NALF1: variants seen among roughly 807,000 people sequenced by gnomAD.
NALF1 encodes NALCN channel auxiliary factor 1, also known as family with sequence similarity 155 member A.
Under a neutral mutation model 48.4 loss-of-function variants are expected in NALF1, and 3 were observed. The ratio of observed to expected loss-of-function variants is 0.06; its 90% CI spans 0.03 to 0.16. The LOEUF (loss-of-function observed/expected upper bound fraction) is 0.16. Among genes scored for constraint, NALF1 ranks in the 10% least tolerant of loss-of-function variants. NALF1 has a pLI of 1.00. For missense variants in NALF1, 526 were observed against 571.5 expected (o/e 0.92, Z 0.81); for synonymous variants, 262 against 245.7 (o/e 1.07, Z -0.62).
intron 1 of NALF1, among the ~76,000 whole-genome samples, chr13:107,864,416 CCAGTT>C (rs1311644906): frequency 6.6e-6 from 1 of 152,178 alleles, no homozygotes; most frequent in Non-Finnish European, 1.5e-5. Flanking sequence ...ATCCCTTAGT[CCAGTT>C]CTTTTATCAA....
At chr13:107,748,902 G>A (rs1876854511) in intron 1 of NALF1, among the ~76,000 whole-genome samples, 1 of 152,106 alleles carries the variant, frequency 6.6e-6, no homozygotes, top group Admixed American at 6.5e-5. Flanking sequence ...TGTGGGGAAT[G>A]GGCACCAGAT....
chr13:107,692,085 A>T (rs1881580712), intron 1 of NALF1, among the ~76,000 whole-genome samples: 1 of 152,214 alleles, frequency 6.6e-6, no homozygotes. Flanking sequence ...CACCACATCA[A>T]CCATAATTAC....
intron 1 of NALF1, among the ~76,000 whole-genome samples, chr13:107,565,481 T>TA (rs764688278): frequency 4.0e-5 from 6 of 151,544 alleles, no homozygotes; most frequent in East Asian, 1.9e-4. Flanking sequence ...AATGTTCTAA[T>TA]AAAAACAAAA....
chr13:107,767,735 G>A (rs1026143599), intron 1 of NALF1, among the ~76,000 whole-genome samples: 2 of 152,102 alleles, frequency 1.3e-5, no homozygotes, highest in Non-Finnish European at 2.9e-5. Context: ...ACTCTGGTTT[G>A]ACTTTATGGT....
At chr13:107,600,364 T>A (rs1594152387) in intron 1 of NALF1, among the ~76,000 whole-genome samples, 1 of 152,286 alleles carries the variant, frequency 6.6e-6, no homozygotes, top group Non-Finnish European at 1.5e-5. Context: ...TAGAATGACT[T>A]AAGATTTTCA....
intron 1 of NALF1, among the ~76,000 whole-genome samples, chr13:107,831,817 C>T (rs1317198066): frequency 1.3e-5 from 2 of 152,152 alleles, no homozygotes; most frequent in Non-Finnish European, 2.9e-5. Flanking sequence ...AGACAGAGAA[C>T]TTTCTAACAT....
chr13:107,581,141 G>C (rs776656520), intron 1 of NALF1, among the ~76,000 whole-genome samples: 2 of 152,076 alleles, frequency 1.3e-5, no homozygotes, highest in Non-Finnish European at 2.9e-5. Flanking sequence ...TTTGTTCCTC[G>C]GACGCATTTT....
At chr13:107,350,226 T>C (rs1476833786) in intron 1 of NALF1, among the ~76,000 whole-genome samples, 4 of 152,216 alleles carry the variant, frequency 2.6e-5, no homozygotes, top group South Asian at 4.1e-4. Context: ...AAAACAGTTC[T>C]GTGCAATCAA....
chr13:107,191,053 G>T (rs552213836), intron 2 of NALF1, among the ~76,000 whole-genome samples: 6 of 152,288 alleles, frequency 3.9e-5, no homozygotes, highest in Admixed American at 3.3e-4. Flanking sequence ...TAATGTCTCA[G>T]GTAGTATATT....
intron 1 of NALF1, among the ~76,000 whole-genome samples, chr13:107,750,547 G>T (rs1876909409): frequency 6.7e-6 from 1 of 149,008 alleles, no homozygotes; most frequent in East Asian, 2.0e-4. Context: ...AGAAAAAATA[G>T]AAAAATTATA....
intron 1 of NALF1, among the ~76,000 whole-genome samples, chr13:107,824,659 A>T (rs1437687308): frequency 6.6e-6 from 1 of 152,238 alleles, no homozygotes; most frequent in Non-Finnish European, 1.5e-5. Flanking sequence ...CAGCTCCATT[A>T]TGCATGTGTA....
chr13:107,207,226 G>A (rs1021612051), intron 2 of NALF1, among the ~76,000 whole-genome samples: 1 of 151,292 alleles, frequency 6.6e-6, no homozygotes, highest in Non-Finnish European at 1.5e-5. Flanking sequence ...CTTAAACTTT[G>A]ATATATTTAT....
In NALF1 at chr13:107,208,267, C is replaced by T. The variant is rs185006802; in HGVS notation, c.1087+2317G>A. On this transcript the variant is annotated intron_variant, in intron 2 of 2. Transcript: ENST00000375915. Reference sequence around the variant, plus strand: ...TGAGATTATCCTAGGGGGCCTCTCACGGAGATGGCACTTTTCTCTGGATCT... The same window carrying T: ...TGAGATTATCCTAGGGGGCCTCTCATGGAGATGGCACTTTTCTCTGGATCT... Among the ~76,000 whole-genome samples, 832 of 152,222 alleles carry T rather than the reference C, an allele frequency of 5.5e-3. 8 individuals are homozygous for T. Among genetic ancestry groups the T allele is most frequent in the African/African-American group, 0.019 (786 of 41,540 alleles).
chr13:107,728,295 A>T (rs1248582257), intron 1 of NALF1, among the ~76,000 whole-genome samples: 1 of 152,230 alleles, frequency 6.6e-6, no homozygotes, highest in Non-Finnish European at 1.5e-5. Context: ...ATGTCCATCA[A>T]TGATAGACTG....
intron 1 of NALF1, among the ~76,000 whole-genome samples, chr13:107,483,692 A>G (rs1404863215): frequency 6.6e-6 from 1 of 152,062 alleles, no homozygotes. Context: ...ATTTACAGAG[A>G]GAGGAATCAG....
At chr13:107,685,292 G>A (rs902910760) in intron 1 of NALF1, among the ~76,000 whole-genome samples, 1 of 152,038 alleles carries the variant, frequency 6.6e-6, no homozygotes, top group Non-Finnish European at 1.5e-5. Flanking sequence ...CAGCCTGGGT[G>A]ACAAGGCGAG....
At chr13:107,480,398 A>G (rs1020433373) in intron 1 of NALF1, among the ~76,000 whole-genome samples, 2 of 152,178 alleles carry the variant, frequency 1.3e-5, no homozygotes, top group East Asian at 1.9e-4. Context: ...TAATTCTAGC[A>G]TATCTGCCTT....
intron 1 of NALF1, among the ~76,000 whole-genome samples, chr13:107,219,049 A>G (rs1451744193): frequency 6.6e-6 from 1 of 152,212 alleles, no homozygotes; most frequent in Admixed American, 6.5e-5. Flanking sequence ...TCTTTTAACA[A>G]GCTGCCTTCA....
chr13:107,387,189 T>C (rs936618985), intron 1 of NALF1, among the ~76,000 whole-genome samples: 7 of 152,130 alleles, frequency 4.6e-5, no homozygotes, highest in African/African-American at 1.7e-4. Flanking sequence ...CTAATGGAAA[T>C]TGAATTACTT....
Sources: allele counts gnomAD v4.1 joint callset (sites outside exome capture counted in the v4.1 genomes callset), GRCh38; gene constraint gnomAD v4.1.1; transcripts MANE v1.5; gene names NCBI Gene and HGNC (gene_info 2026-07-23, HGNC 2026-07-21).